The following SORCS2 variants were observed in gnomAD, a reference collection of about 807,000 sequenced individuals.
SORCS2 encodes the protein sortilin related VPS10 domain containing receptor 2, also known as VPS10 domain-containing receptor SorCS2.
Under a neutral mutation model 141.6 loss-of-function variants are expected in SORCS2, and 100 were observed. The observed-to-expected ratio is 0.71, with a 90% CI of 0.60 to 0.83. SORCS2 has a LOEUF of 0.83. Ranked by LOEUF, SORCS2 falls within the 40% of genes least tolerant of loss-of-function variation. SORCS2 has a pLI of 0.00. For synonymous variants in SORCS2, 789 were observed against 676.9 expected (o/e 1.17, Z -2.57); for missense variants, 1,646 against 1,560.2 (o/e 1.05, Z -0.93).
intron 2 of SORCS2, among the ~76,000 whole-genome samples, chr4:7,440,741 TG>T (rs1295839776): frequency 6.6e-6 from 1 of 152,148 alleles, no homozygotes; most frequent in Non-Finnish European, 1.5e-5. Context: ...CCAAGTCTCC[TG>T]GGGGACCCTC....
chr4:7,574,313 G>T (rs1715602849), intron 3 of SORCS2, among the ~76,000 whole-genome samples: 1 of 152,244 alleles, frequency 6.6e-6, no homozygotes. Flanking sequence ...CACAGAGATG[G>T]ACTGCAGTGA....
intron 1 of SORCS2, among the ~76,000 whole-genome samples, chr4:7,393,766 C>T (rs1276801275): frequency 2.6e-5 from 4 of 152,146 alleles, no homozygotes; most frequent in African/African-American, 9.7e-5. Flanking sequence ...GACGACGGCT[C>T]CTATGGCTTA....
intron 1 of SORCS2, among the ~76,000 whole-genome samples, chr4:7,215,763 G>A (rs1422851181): frequency 1.3e-5 from 2 of 152,192 alleles, no homozygotes; most frequent in Non-Finnish European, 2.9e-5. Flanking sequence ...CTGCTCTGGT[G>A]GGGTCTTGGA....
chr4:7,563,664 C>T (rs1013903481), intron 3 of SORCS2, among the ~76,000 whole-genome samples: 2 of 152,208 alleles, frequency 1.3e-5, no homozygotes, highest in African/African-American at 4.8e-5. Flanking sequence ...TTGATGGGAG[C>T]CTCACTGACT....
chr4:7,695,902 G>T, intron 11 of SORCS2, among the ~76,000 whole-genome samples: 1 of 134,534 alleles, frequency 7.4e-6, no homozygotes, highest in African/African-American at 2.8e-5. Context: ...ATGGATGGAT[G>T]GATGGATGGA....
At position 7,714,987 on chromosome 4, in the gene SORCS2, C is replaced by T. The variant is rs144643521; in HGVS notation, c.2124-196C>T. ...CAGGTTTCTCTGAGTTCACAGCATC[C>T]CTTTGCCTCCCTTGTTACCCTGTGT... On this transcript the variant is annotated intron_variant, in intron 16 of 26. Coordinates refer to ENST00000507866, the MANE Select transcript of SORCS2 (RefSeq NM_020777.3). 2.2e-3 allele frequency among the ~76,000 whole-genome samples: 334 copies of T among 152,294 alleles called. 1 individual carries two copies. The highest frequency in any genetic ancestry group is 3.8e-3 in the Non-Finnish European group (258 of 68,036).
At chr4:7,486,512 C>A (rs1198154729) in intron 2 of SORCS2, among the ~76,000 whole-genome samples, 1 of 152,206 alleles carries the variant, frequency 6.6e-6, no homozygotes, top group East Asian at 1.9e-4. Context: ...GGACCCGAGG[C>A]TGAGCTATCT....
chr4:7,447,535 C>G (rs4689122), intron 2 of SORCS2, among the ~76,000 whole-genome samples: 90,692 of 151,976 alleles, frequency 0.6, 27,420 homozygotes, highest in East Asian at 0.88. Context: ...GTAGATCCAT[C>G]ATTTCTATTT....
intron 4 of SORCS2, 145 bp downstream of exon 4, chr4:7,638,637 G>A (rs1577878324): frequency 2.5e-6 from 2 of 814,636 alleles, no homozygotes; most frequent in Non-Finnish European, 3.7e-6. Flanking sequence ...GGGCCGGGAT[G>A]CTGGACCCCG....
chr4:7,628,588 G>A (rs1030963047), intron 3 of SORCS2, among the ~76,000 whole-genome samples: 8 of 151,888 alleles, frequency 5.3e-5, no homozygotes, highest in African/African-American at 9.7e-5. Context: ...CACTGAGCTC[G>A]TGGCCTGAGC....
chr4:7,218,383 G>A (rs1203581886), intron 1 of SORCS2, among the ~76,000 whole-genome samples: 1 of 152,186 alleles, frequency 6.6e-6, no homozygotes, highest in Non-Finnish European at 1.5e-5. Context: ...TTTTACCGTG[G>A]CAGAGACCAA....
At chr4:7,296,560 A>G (rs182501378) in intron 1 of SORCS2, among the ~76,000 whole-genome samples, 1 of 152,142 alleles carries the variant, frequency 6.6e-6, no homozygotes, top group Non-Finnish European at 1.5e-5. Flanking sequence ...GGTTGAGGCC[A>G]CTCGCTCCTG....
intron 1 of SORCS2, among the ~76,000 whole-genome samples, chr4:7,325,641 T>C (rs534797849): frequency 6.6e-6 from 1 of 152,308 alleles, no homozygotes; most frequent in Admixed American, 6.5e-5. Context: ...GAGTTCACTA[T>C]ACCTTGGGGA....
At position 7,380,430 on chromosome 4, in the gene SORCS2, T is replaced by A. The variant is rs144976308; in HGVS notation, c.481-15858T>A. On this transcript the variant is annotated intron_variant, in intron 1 of 26. Transcript: ENST00000507866. ...GCTCCCCGTCACCGGACTCCTGGGC[T>A]ATTACTGGGGACTGGTGAGGAAGCT... 1.4e-4 allele frequency among the ~76,000 whole-genome samples: 21 copies of A among 151,990 alleles called. No homozygotes were observed. In the East Asian group the frequency reaches 4.1e-3, roughly 29 times the overall value.
At chr4:7,434,066 C>G (rs762818927) in intron 2 of SORCS2, 6 of 1,611,094 alleles carry the variant, frequency 3.7e-6, no homozygotes, top group African/African-American at 1.3e-5. Context: ...AGGGAGGGGA[C>G]CCCGTCCATG....
intron 1 of SORCS2, among the ~76,000 whole-genome samples, chr4:7,320,022 G>A (rs1718799839): frequency 6.6e-6 from 1 of 152,148 alleles, no homozygotes; most frequent in African/African-American, 2.4e-5. Flanking sequence ...GACAGGAAGG[G>A]CCAGGCATGG....
At chr4:7,671,477 A>T (rs1344512714) in intron 8 of SORCS2, among the ~76,000 whole-genome samples, 2 of 152,160 alleles carry the variant, frequency 1.3e-5, no homozygotes, top group Admixed American at 6.5e-5. Flanking sequence ...CAAGAAAATG[A>T]TGTATGGACA....
At chr4:7,291,182 G>A (rs187591270) in intron 1 of SORCS2, among the ~76,000 whole-genome samples, 2 of 152,164 alleles carry the variant, frequency 1.3e-5, no homozygotes, top group African/African-American at 4.8e-5. Context: ...GAAGGGGCTC[G>A]GATGAGGCGG....
chr4:7,373,460 A>ATATATATATATATATATG (rs1297982287), intron 1 of SORCS2, among the ~76,000 whole-genome samples: 2 of 57,226 alleles, frequency 3.5e-5, no homozygotes, highest in African/African-American at 2.6e-4. Flanking sequence ...AGAAACTTTT[A>ATATATATATATATATATG]TATATATATA....
Sources: allele counts gnomAD v4.1 joint callset (sites outside exome capture counted in the v4.1 genomes callset), GRCh38; gene constraint gnomAD v4.1.1; transcripts MANE v1.5; gene names NCBI Gene and HGNC (gene_info 2026-07-23, HGNC 2026-07-21).